The following MYH15 variants were observed in gnomAD, a reference collection of about 807,000 sequenced individuals.
MYH15 encodes myosin heavy chain 15, also known as myosin-15.
A neutral mutation model predicts 240.5 loss-of-function variants in MYH15; 227 were observed. The observed-to-expected ratio is 0.94, with a 90% confidence interval of 0.85 to 1.05. The LOEUF is 1.05. Among genes scored for constraint, MYH15 ranks in the 50% least tolerant of loss-of-function variants. The probability of loss-of-function intolerance (pLI) is 0.00; values close to 1 mark genes in which losing one functional copy is unlikely to be tolerated. For synonymous variants in MYH15, 785 were observed against 796.7 expected, an observed-to-expected ratio of 0.99 and a Z score of 0.25; for missense variants, 2,217 against 2,247.5, an observed-to-expected ratio of 0.99 and a Z score of 0.27.
chr3:108,439,148 G>C (rs1038374171), intron 24 of MYH15, among the ~76,000 whole-genome samples: 25 of 152,098 alleles, frequency 1.6e-4, no homozygotes, highest in African/African-American at 6.0e-4. Context: ...ATGTCAGCTG[G>C]GGTGGGAAAA....
At chr3:108,455,443 A>G (rs987116861) in intron 20 of MYH15, among the ~76,000 whole-genome samples, 1 of 152,228 alleles carries the variant, frequency 6.6e-6, no homozygotes. Context: ...TAGCTCTGAT[A>G]TATACACATT....
chr3:108,393,844 G>A (rs749721629), intron 36 of MYH15, among the ~76,000 whole-genome samples, 187 bp downstream of exon 36: 5 of 152,192 alleles, frequency 3.3e-5, no homozygotes, highest in Non-Finnish European at 7.3e-5. Context: ...GGGTATGTTG[G>A]TGGGAGGAGC....
chr3:108,406,751 G>A (rs924300474), intron 32 of MYH15, among the ~76,000 whole-genome samples: 8 of 152,262 alleles, frequency 5.3e-5, no homozygotes, highest in African/African-American at 1.9e-4. Flanking sequence ...GAGAAAATGC[G>A]AATAGAATGT....
intron 9 of MYH15, among the ~76,000 whole-genome samples, chr3:108,488,131 T>C (rs1223108639): frequency 6.6e-6 from 1 of 152,186 alleles, no homozygotes; most frequent in Non-Finnish European, 1.5e-5. Context: ...ATATAATACA[T>C]TGTTATTAAC....
intron 37 of MYH15, 148 bp from the exon 38 acceptor site, chr3:108,389,222 G>T (rs2082406124): frequency 1.7e-6 from 1 of 598,090 alleles, no homozygotes; most frequent in South Asian, 2.6e-5. Flanking sequence ...GTGTCTCTGG[G>T]AAAACTCTCT....
chr3:108,385,890 T>C (rs916459816), intron 38 of MYH15, among the ~76,000 whole-genome samples: 1 of 151,986 alleles, frequency 6.6e-6, no homozygotes, highest in Non-Finnish European at 1.5e-5. Context: ...GCTATTCTCA[T>C]CATCTGGAAT....
At chr3:108,463,508 T>G (rs1412885547) in intron 15 of MYH15, among the ~76,000 whole-genome samples, 1 of 151,962 alleles carries the variant, frequency 6.6e-6, no homozygotes, top group African/African-American at 2.4e-5. Flanking sequence ...ATTTATTTTG[T>G]GTATGTGTGG....
upstream of MYH15, among the ~76,000 whole-genome samples, chr3:108,533,455 T>C (rs2083725371): frequency 6.6e-6 from 1 of 152,214 alleles, no homozygotes; most frequent in African/African-American, 2.4e-5. Context: ...CATGCTCACC[T>C]GATAATTTTT....
chr3:108,499,310 T>G, intron 5 of MYH15, 145 bp downstream of exon 5: 2 of 834,492 alleles, frequency 2.4e-6, no homozygotes, highest in South Asian at 1.6e-5. Flanking sequence ...TTCCTGAGTA[T>G]CTTTTTCTTA....
chr3:108,527,406 C>T (rs2083680833), intron 1 of MYH15, among the ~76,000 whole-genome samples: 1 of 152,116 alleles, frequency 6.6e-6, no homozygotes, highest in African/African-American at 2.4e-5. Context: ...TCTTGCTCCT[C>T]CCATGCACTT....
At position 108,407,067 on chromosome 3, in the gene MYH15, GCACCACACTGC is replaced by G. The variant is rs570807143; in HGVS notation, c.4620+1202_4620+1212del. On this transcript the variant is annotated intron_variant, in intron 32 of 40. Coordinates refer to ENST00000693548, the MANE Select transcript of MYH15 (RefSeq NM_014981.3). ...GTGTAAGGACCAGCTGTGCTACAGG[GCACCACACTGC>G]CAACGAAAAGGAGTCTGTATAAAGT... Among the ~76,000 whole-genome samples, 19 of 152,288 alleles carry G rather than the reference GCACCACACTGC, an allele frequency of 1.2e-4. No individual in the cohort carries two copies. The East Asian group carries it at 3.7e-3, about 29-fold the overall frequency.
At chr3:108,450,510 TAG>T (rs749127831) in intron 21 of MYH15, among the ~76,000 whole-genome samples, 46 of 151,924 alleles carry the variant, frequency 3.0e-4, no homozygotes, top group Non-Finnish European at 6.0e-4. Flanking sequence ...CTCACAGAAG[TAG>T]AGAGTGGAAT....
rs76765976 is a variant in MYH15, at chr3:108,408,405, C to A, written c.4496-1G>T. ...TGGTTTGTCAGATTAGAAATCTCTTCTGGAGACAGAGGTAAGAAAAACAAA... is the reference window on the plus strand; with the variant it reads ...TGGTTTGTCAGATTAGAAATCTCTTATGGAGACAGAGGTAAGAAAAACAAA... On this transcript the variant is annotated splice_acceptor_variant, in intron 31 of 40. Transcript: ENST00000693548. LOFTEE classifies it high-confidence loss of function. 1,332 of 1,607,548 alleles carry A rather than the reference C, an allele frequency of 8.3e-4. 8 individuals are homozygous for A. In the African/African-American group the frequency reaches 0.016, roughly 20 times the overall value.
At chr3:108,476,689 T>A (rs1325774416) in intron 11 of MYH15, among the ~76,000 whole-genome samples, 174 bp from the exon 12 acceptor site, 2 of 152,190 alleles carry the variant, frequency 1.3e-5, no homozygotes, top group Non-Finnish European at 2.9e-5. Flanking sequence ...TTAAAGGAAA[T>A]TATTTCTTCG....
chr3:108,472,886 G>A (rs564560023), intron 12 of MYH15, among the ~76,000 whole-genome samples: 1 of 152,240 alleles, frequency 6.6e-6, no homozygotes, highest in Non-Finnish European at 1.5e-5. Flanking sequence ...CTTTTCAAGG[G>A]TTAAATGCAC....
chr3:108,548,801 A>G, the MYH15 span, among the ~76,000 whole-genome samples: 1 of 152,140 alleles, frequency 6.6e-6, no homozygotes, highest in Non-Finnish European at 1.5e-5. Context: ...GTAGAAGTAG[A>G]AATTCAAACA....
chr3:108,476,734 C>T (rs545597317), intron 11 of MYH15, among the ~76,000 whole-genome samples: 4 of 152,260 alleles, frequency 2.6e-5, no homozygotes, highest in Non-Finnish European at 4.4e-5. Context: ...AATCTCACTT[C>T]TTCAGTTTGT....
chr3:108,492,903 T>A (rs567224838), intron 8 of MYH15, among the ~76,000 whole-genome samples: 1 of 151,478 alleles, frequency 6.6e-6, no homozygotes, highest in South Asian at 2.1e-4. Flanking sequence ...TGAGCCATGA[T>A]CATGCCACGG....
In MYH15 at chr3:108,468,483, C is replaced by T. The variant is rs114847979; in HGVS notation, c.1554+1559G>A. ...ACAAATCTTCTTCAGATAGCCCCAA[C>T]GAACATAATGGGTCTTTTCAAAATT... On this transcript the variant is annotated intron_variant, in intron 14 of 40. Coordinates refer to ENST00000693548, the MANE Select transcript of MYH15 (RefSeq NM_014981.3). Among the ~76,000 whole-genome samples, 297 of 152,278 alleles carry T rather than the reference C, an allele frequency of 2.0e-3. 1 individual carries two copies. The highest frequency in any genetic ancestry group is 6.4e-3 in the African/African-American group (267 of 41,552).
Sources: gnomAD v4.1 joint callset for allele counts (sites outside exome capture counted in the v4.1 genomes callset) on GRCh38, gnomAD v4.1.1 for gene constraint, MANE v1.5 for transcripts, NCBI Gene and HGNC (gene_info 2026-07-23, HGNC 2026-07-21) for gene names.